The following EPHB6 variants were observed in gnomAD, a reference collection of about 807,000 sequenced individuals.
EPHB6 encodes ephrin type-B receptor 6.
A neutral mutation model predicts 107.0 loss-of-function variants in EPHB6; 51 were observed. That is an observed-to-expected ratio of 0.48 (90% CI 0.38 to 0.60). The LOEUF is 0.60. Among genes scored for constraint, EPHB6 ranks in the 20% least tolerant of loss-of-function variants. EPHB6 has a pLI of 0.00. For missense variants in EPHB6, 1,141 were observed against 1,355.5 expected, an observed-to-expected ratio of 0.84 and a Z score of 2.48; for synonymous variants, 553 against 549.0, an observed-to-expected ratio of 1.01 and a Z score of -0.10.
rs748499095 is a variant in EPHB6 at position 142,870,624 on chromosome 7, C to G, written c.2899C>G (p.Gln967Glu). 2 of 1,614,250 alleles carry G rather than the reference C, an allele frequency of 1.2e-6. No individual in the cohort carries two copies. The highest frequency in any genetic ancestry group is 1.7e-6 in the Non-Finnish European group (2 of 1,180,052). Residue 967 changes from glutamine (Q) to glutamate (E), a missense_variant, in exon 19 of 20, where the codon CAG becomes GAG. Physicochemically the swap from Gln to Glu is conservative, Grantham distance 29. This residue lies in a region of EPHB6 where 616 missense variants were observed against 759.3 expected (regional missense o/e 0.81). Transcript: ENST00000652003. ...TTCAGCCATTGGACTGGAGTGCTAC[C>G]AGGACAACTTCTCCAAGTTTGGCCT... Reference protein sequence around the residue: ...WLSAIGLECYQDNFSKFGLCT... With the variant: ...WLSAIGLECYEDNFSKFGLCT...
intron 18 of EPHB6, 40 bp from the exon 19 acceptor site, chr7:142,870,490 G>A (rs955401858): frequency 8.4e-5 from 136 of 1,613,910 alleles, no homozygotes; most frequent in Non-Finnish European, 1.1e-4. Flanking sequence ...GGGCTAAGAT[G>A]AAGAGGAGAC....
rs1794832877 is a variant in EPHB6 at position 142,870,210 on chromosome 7, C to A, written c.2611-4C>A. On this transcript the variant is annotated splice_polypyrimidine_tract_variant and splice_region_variant and intron_variant, in intron 17 of 19. Coordinates refer to ENST00000652003, the MANE Select transcript of EPHB6 (RefSeq NM_004445.6). ...CATCGTCATAGTCTTCCTCTGACCC[C>A]CAGGTACTAAATGCAATAGAGCAGG... The A allele has an allele frequency of 6.2e-7, 1 of 1,614,100 alleles. No homozygotes were observed. The highest frequency in any genetic ancestry group is 1.7e-5 in the Admixed American group (1 of 60,026).
chr7:142,865,623 C>T lies in EPHB6; in HGVS notation c.1098C>T (p.Pro366=), dbSNP rs1171609718. Residue 366 remains proline, a synonymous_variant, in exon 8 of 20, where the codon CCC becomes CCT. Coordinates refer to ENST00000652003, the MANE Select transcript of EPHB6 (RefSeq NM_004445.6). ...CCAGTTCCGACCCACCAGAGGCCCC[C>T]TGCACTGGTGAGTTCCTCACCCAGC... is the stretch of plus-strand genomic sequence containing the variant. ...YRASSDPPEA[P]CTGPPSAPQE... The T allele has an allele frequency of 1.2e-6, 2 of 1,613,312 alleles. No individual in the cohort carries two copies. Among genetic ancestry groups the T allele is most frequent in the Admixed American group, 1.7e-5 (1 of 59,998 alleles).
At position 142,864,668 on chromosome 7, in the gene EPHB6, G is replaced by A; in HGVS notation, c.868G>A (p.Glu290Lys). 1 of 1,612,962 alleles carries A rather than the reference G, an allele frequency of 6.2e-7. No homozygotes were observed. The highest frequency in any genetic ancestry group is 8.5e-7 in the Non-Finnish European group (1 of 1,179,982). ...CCCCCCCAGGCTGCACTGCAACGGG[G>A]AGGGCAAGTGGATGGTAGCTGTCGG... ...GSPPRLHCNG[E>K]GKWMVAVGGC... Residue 290 changes from glutamate (E) to lysine (K), a missense_variant, in exon 7 of 20, where the codon GAG (glutamate) becomes AAG (lysine). By Grantham distance (56) the Glu-to-Lys change is moderately conservative (BLOSUM62 1). Transcript: ENST00000652003.
Position 142,868,421 on chromosome 7 carries a change from A to T in EPHB6, c.2038+61A>T, listed in dbSNP as rs1454857564. ...GGCTCCCTTGTGGCCTCCGCTGGCC[A>T]GAGTCCCATCCAAACACAGCAGGAC... On this transcript the variant is annotated intron_variant, in intron 14 of 19. Transcript: ENST00000652003. The surrounding 1 kb of genome is among the most constrained non-coding windows in gnomAD (Gnocchi z 4.2). 6.2e-7 allele frequency: 1 copy of T among 1,613,852 alleles called. No homozygotes were observed. The highest frequency in any genetic ancestry group is 8.5e-7 in the Non-Finnish European group (1 of 1,179,886).
chr7:142,867,268 T>C lies in EPHB6; in HGVS notation c.1750+200T>C, dbSNP rs1586169194. On this transcript the variant is annotated intron_variant, in intron 11 of 19. Coordinates refer to ENST00000652003, the MANE Select transcript of EPHB6 (RefSeq NM_004445.6). This position sits in a 1 kb window ranked among gnomAD's most constrained non-coding sequence, Gnocchi z 5.3. ...GGAATTGTAGGGGTATGTATGCATG[T>C]TGAGTGTGGATATAGGAGGGCTGTG... 1 of 670,580 alleles carries C rather than the reference T, an allele frequency of 1.5e-6. No individual in the cohort carries two copies. Among genetic ancestry groups the C allele is most frequent in the Non-Finnish European group, 2.5e-6 (1 of 395,884 alleles). 41.5% of individuals were successfully genotyped at this position (670,580 alleles called of 1,614,324 possible). A position where few individuals can be genotyped will look rare whatever the true frequency, so the allele number is the denominator to read the frequency against.
In EPHB6 at chr7:142,868,457, T is replaced by G; in HGVS notation, c.2039-35T>G. The G allele has an allele frequency of 1.9e-6, 3 of 1,614,064 alleles. No homozygotes were observed. The highest frequency in any genetic ancestry group is 2.5e-6 in the Non-Finnish European group (3 of 1,180,000). On this transcript the variant is annotated intron_variant, in intron 14 of 19. Coordinates refer to ENST00000652003, the MANE Select transcript of EPHB6 (RefSeq NM_004445.6). The surrounding 1 kb of genome is among the most constrained non-coding windows in gnomAD (Gnocchi z 4.2). ...CAAACACAGCAGGACGCTGTGAGCC[T>G]TGATCCCCACCCCAACCTACACCTA...
Position 142,867,910 on chromosome 7 carries a change from G to C in EPHB6, c.1866-87G>C. 1 of 1,535,882 alleles carries C rather than the reference G, an allele frequency of 6.5e-7. No homozygotes were observed. The highest frequency in any genetic ancestry group is 2.4e-5 in the East Asian group (1 of 40,840). ...GGCTGTCGTCCCCCCTCCACAGACC[G>C]ACTAAAGAGCAGTCTGGAGGGTGAC... is the stretch of plus-strand genomic sequence containing the variant. On this transcript the variant is annotated intron_variant, in intron 12 of 19. Transcript: ENST00000652003. The surrounding 1 kb of genome is among the most constrained non-coding windows in gnomAD (Gnocchi z 5.3).
Position 142,855,875 on chromosome 7 carries a change from G to A in EPHB6, c.-432+490G>A, listed in dbSNP as rs1363934369. On this transcript the variant is annotated intron_variant, in intron 1 of 19. Transcript: ENST00000652003. This position sits in a 1 kb window ranked among gnomAD's most constrained non-coding sequence, Gnocchi z 4.2. ...TCCATGACCACAGTTAAGCCTTGGA[G>A]GTGGAAGGAACGCTTGGTTCCTGCT... 1.3e-5 allele frequency among the ~76,000 whole-genome samples: 2 copies of A among 152,112 alleles called. No homozygotes were observed. Among genetic ancestry groups the A allele is most frequent in the Admixed American group, 1.3e-4 (2 of 15,276 alleles).
chr7:142,865,449 G>GC, intron 7 of EPHB6, 26 bp from the exon 8 acceptor site: 1 of 1,611,974 alleles, frequency 6.2e-7, no homozygotes, highest in South Asian at 1.1e-5. Context: ...CGAGTGTGAC[G>GC]CCCCCACTCT....
In EPHB6 at chr7:142,867,492, T is replaced by C; in HGVS notation, c.1751-116T>C. The C allele has an allele frequency of 1.2e-6, 1 of 848,080 alleles. No individual in the cohort carries two copies. Among genetic ancestry groups the C allele is most frequent in the Non-Finnish European group, 1.9e-6 (1 of 516,224 alleles). 52.5% of individuals were successfully genotyped at this position (848,080 alleles called of 1,614,324 possible). A position where few individuals can be genotyped will look rare whatever the true frequency, so the allele number is the denominator to read the frequency against. On this transcript the variant is annotated intron_variant, in intron 11 of 19. Coordinates refer to ENST00000652003, the MANE Select transcript of EPHB6 (RefSeq NM_004445.6). This position sits in a 1 kb window ranked among gnomAD's most constrained non-coding sequence, Gnocchi z 5.3. ...GTCCCTGTGCATGGATGTGGGAGGT[T>C]TGGGGCATGCGCGTGCATGTTGTGT...
At chr7:142,860,889 A>G (rs1802811255) in intron 1 of EPHB6, among the ~76,000 whole-genome samples, 163 bp from the exon 2 acceptor site, 1 of 152,160 alleles carries the variant, frequency 6.6e-6, no homozygotes, top group African/African-American at 2.4e-5. Flanking sequence ...AAAGTTTCAT[A>G]GTTTGATTTT....
At position 142,864,498 on chromosome 7, in the gene EPHB6, G is replaced by T. The variant is rs1231937738; in HGVS notation, c.698G>T (p.Cys233Phe). 1.9e-6 allele frequency: 3 copies of T among 1,613,166 alleles called. No homozygotes were observed. ...LVAVRLFSYT[C>F]PAVLRSFASF... Reference sequence around the variant, plus strand: ...GCTGTCAGGCTCTTCTCCTACACCTGCCCTGCCGTGCTCCGATCCTTTGCT... The same window carrying T: ...GCTGTCAGGCTCTTCTCCTACACCTTCCCTGCCGTGCTCCGATCCTTTGCT... Residue 233 changes from cysteine to phenylalanine, a missense_variant, in exon 7 of 20, where the codon TGC (cysteine) becomes TTC (phenylalanine). This residue lies in a region of EPHB6 where 304 missense variants were observed against 295.7 expected (regional missense o/e 1.03). Coordinates refer to ENST00000652003, the MANE Select transcript of EPHB6 (RefSeq NM_004445.6).
rs144257034 is a variant in EPHB6, at chr7:142,860,733, G to A, written c.-431-319G>A. Among the ~76,000 whole-genome samples the A allele has an allele frequency of 9.2e-5, 14 of 152,150 alleles. No homozygotes were observed. In the East Asian group the frequency reaches 2.7e-3, roughly 29 times the overall value. ...AGATGTATAAAAGGTGAGTTTCAGG[G>A]GCTAGTTGGCAGGTGCCCACTCTAC... On this transcript the variant is annotated intron_variant, in intron 1 of 19. Coordinates refer to ENST00000652003, the MANE Select transcript of EPHB6 (RefSeq NM_004445.6).
chr7:142,864,139 A>G lies in EPHB6; in HGVS notation c.339A>G (p.Ala113=), dbSNP rs1236779186. 1.2e-6 allele frequency: 2 copies of G among 1,614,016 alleles called. No individual in the cohort carries two copies. The highest frequency in any genetic ancestry group is 1.1e-5 in the South Asian group (1 of 91,092). ...AHIRLHFSVR[A]CSSLGVSGGT... ...TTCGACTCCACTTCTCTGTGCGGGC[A>G]TGCTCCAGCCTGGGTGTGAGCGGCG... Residue 113 remains alanine (A), a synonymous_variant, in exon 7 of 20, where the codon GCA becomes GCG. Coordinates refer to ENST00000652003, the MANE Select transcript of EPHB6 (RefSeq NM_004445.6).
In EPHB6 at chr7:142,869,164, G is replaced by A. The variant is rs1315981151; in HGVS notation, c.2460+17G>A. The A allele has an allele frequency of 6.2e-7, 1 of 1,609,252 alleles. No homozygotes were observed. The highest frequency in any genetic ancestry group is 2.2e-5 in the East Asian group (1 of 44,818). ...AGTCCTCAGGTGAGAGCACAGCCTT[G>A]GGGACACAGCCTGGGGCCTTGTGGC... On this transcript the variant is annotated intron_variant, in intron 16 of 19. Transcript: ENST00000652003. This position sits in a 1 kb window ranked among gnomAD's most constrained non-coding sequence, Gnocchi z 4.5.
Position 142,866,201 on chromosome 7 carries a change from G to A in EPHB6, c.1347G>A (p.Gly449=), listed in dbSNP as rs372596769. 56 of 1,614,004 alleles carry A rather than the reference G, an allele frequency of 3.5e-5. No individual in the cohort carries two copies. Among genetic ancestry groups the A allele is most frequent in the Admixed American group, 6.7e-5 (4 of 60,006 alleles). The change falls in exon 9 of 20, where the codon GGG becomes GGA. Residue 449 remains glycine (G), a synonymous_variant. Transcript: ENST00000652003. This position sits in a 1 kb window ranked among gnomAD's most constrained non-coding sequence, Gnocchi z 5.2. ...RGLTESRVLV[G]GLRAHVPYIL... is the part of the protein sequence containing the mutation. ...TGACTGAGAGCCGAGTGTTAGTGGG[G>A]GGACTCCGGGCACACGTACCCTACA...
rs558305973 is a variant in EPHB6 at position 142,868,394 on chromosome 7, G to C, written c.2038+34G>C. ...GGGCCAAAGCAGGGATCAGAGCGAC[G>C]GGGCTCCCTTGTGGCCTCCGCTGGC... On this transcript the variant is annotated intron_variant, in intron 14 of 19. Transcript: ENST00000652003. The surrounding 1 kb of genome is among the most constrained non-coding windows in gnomAD (Gnocchi z 4.2). 22 of 1,613,920 alleles carry C rather than the reference G, an allele frequency of 1.4e-5. No individual in the cohort carries two copies. Among genetic ancestry groups the C allele is most frequent in the Non-Finnish European group, 1.9e-5 (22 of 1,179,868 alleles).
intron 8 of EPHB6, 141 bp from the exon 9 acceptor site, chr7:142,865,819 G>A: frequency 4.6e-6 from 5 of 1,094,874 alleles, no homozygotes; most frequent in Middle Eastern, 2.9e-4. Context: ...CCCACATCCT[G>A]CCTCTCTGGG....
Sources: allele counts gnomAD v4.1 joint callset (sites outside exome capture counted in the v4.1 genomes callset), GRCh38; gene constraint gnomAD v4.1.1; regional missense constraint gnomAD v4.1.1; non-coding constraint Gnocchi (gnomAD v3.1); transcripts MANE v1.5; gene names NCBI Gene and HGNC (gene_info 2026-07-23, HGNC 2026-07-21).